Variants in CYFIP2 observed in about 807,000 individuals in gnomAD.
CYFIP2 encodes the protein cytoplasmic FMR1-interacting protein 2.
CYFIP2 carries 29 observed loss-of-function variants against 158.7 expected under a neutral mutation model. That is an observed-to-expected ratio of 0.18 (90% CI 0.14 to 0.25). The LOEUF (loss-of-function observed/expected upper bound fraction) is 0.25, where lower values mean the gene tolerates loss of function less well. CYFIP2 is among the 10% of genes least tolerant of loss of function. CYFIP2 has a pLI of 1.00. For missense variants in CYFIP2, 852 were observed against 1,639.5 expected, an observed-to-expected ratio of 0.52 and a Z score of 8.29; for synonymous variants, 585 against 617.6, an observed-to-expected ratio of 0.95 and a Z score of 0.78.
At chr5:157,302,212 A>T (rs1351641865) in intron 6 of CYFIP2, among the ~76,000 whole-genome samples, 2 of 152,096 alleles carry the variant, frequency 1.3e-5, no homozygotes, top group African/African-American at 4.8e-5. Context: ...CACCATCCCC[A>T]TGTTAGGCTG....
intron 28 of CYFIP2, among the ~76,000 whole-genome samples, chr5:157,387,403 G>A (rs1766806310): frequency 6.6e-6 from 1 of 152,210 alleles, no homozygotes; most frequent in African/African-American, 2.4e-5. Flanking sequence ...AACCTCAGTT[G>A]CCAGTTTTTC....
intron 23 of CYFIP2, among the ~76,000 whole-genome samples, chr5:157,352,659 G>C (rs1763146852): frequency 6.6e-6 from 1 of 152,184 alleles, no homozygotes; most frequent in Non-Finnish European, 1.5e-5. Context: ...GCTAAATGGG[G>C]ATACTTGCAC....
At chr5:157,316,629 G>A (rs1760169625) in intron 13 of CYFIP2, among the ~76,000 whole-genome samples, 1 of 152,142 alleles carries the variant, frequency 6.6e-6, no homozygotes, top group Non-Finnish European at 1.5e-5. Flanking sequence ...TACAAGAGAC[G>A]AATCTAGAAA....
At chr5:157,283,654 C>T (rs537001310) in intron 1 of CYFIP2, among the ~76,000 whole-genome samples, 4 of 152,098 alleles carry the variant, frequency 2.6e-5, no homozygotes, top group Non-Finnish European at 4.4e-5. Context: ...TGTCATGGTA[C>T]GTGATGGGAA....
intron 26 of CYFIP2, chr5:157,362,888 T>C (rs1204969950): frequency 6.6e-6 from 1 of 152,184 alleles, no homozygotes; most frequent in Non-Finnish European, 1.5e-5. Context: ...GGGGAGAACA[T>C]GCACTGTTAC....
chr5:157,334,893 G>A (rs1213140289), intron 21 of CYFIP2, among the ~76,000 whole-genome samples: 1 of 152,162 alleles, frequency 6.6e-6, no homozygotes, highest in Admixed American at 6.6e-5. Flanking sequence ...AGCTAATAGT[G>A]TTGTACCAAA....
rs374240418 is a variant in CYFIP2 at position 157,268,686 on chromosome 5, G to A, written c.-24+2491G>A. Among the ~76,000 whole-genome samples the A allele has an allele frequency of 3.6e-3, 555 of 152,316 alleles. 4 individuals are homozygous for A. The highest frequency in any genetic ancestry group is 6.3e-3 in the Non-Finnish European group (429 of 68,032). On this transcript the variant is annotated intron_variant, in intron 1 of 30. Transcript: ENST00000620254. Reference sequence around the variant, plus strand: ...CTTTTGTAGCCTCCATGTGGCCACCGTAACAATGAGTCTATTTCTTTACTG... The same window carrying A: ...CTTTTGTAGCCTCCATGTGGCCACCATAACAATGAGTCTATTTCTTTACTG...
chr5:157,382,619 T>C lies in CYFIP2; in HGVS notation c.3069T>C (p.His1023=), dbSNP rs2113512517. 1 of 1,614,040 alleles carries C rather than the reference T, an allele frequency of 6.2e-7. No individual in the cohort carries two copies. The highest frequency in any genetic ancestry group is 8.5e-7 in the Non-Finnish European group (1 of 1,179,896). The change falls in exon 27 of 31, where the codon CAT becomes CAC. Residue 1023 remains histidine, a synonymous_variant. Transcript: ENST00000620254. ...LSQEEVCDLL[H]AAPFQNILPR... ...AGGAGGAGGTCTGCGATTTGCTCCA[T>C]GCCGCACCCTTCCAAAACATCTTGC...
rs933396823 is a variant in CYFIP2, at chr5:157,298,845, C to T, written c.388-1870C>T. 4.6e-5 allele frequency among the ~76,000 whole-genome samples: 7 copies of T among 152,310 alleles called. No homozygotes were observed. In the East Asian group the frequency reaches 1.3e-3, roughly 29 times the overall value. ...TGGTCTTTTGTGTCCATCTGGCTCT[C>T]TTCAGTTAGCATTATGTTTTTAAAG... On this transcript the variant is annotated intron_variant, in intron 5 of 30. Coordinates refer to ENST00000620254, the MANE Select transcript of CYFIP2 (RefSeq NM_001037333.3).
At position 157,302,897 on chromosome 5, in the gene CYFIP2, G is replaced by T; in HGVS notation, c.666+7G>T. On this transcript the variant is annotated splice_region_variant and intron_variant, in intron 7 of 30. Transcript: ENST00000620254. ...CCACAACAGGATCACCCAGGTGAGG[G>T]CAGACTCCTTGTTAGGCCTGGCCTG... is the stretch of plus-strand genomic sequence containing the variant. 1 of 1,566,512 alleles carries T rather than the reference G, an allele frequency of 6.4e-7. No homozygotes were observed. Among genetic ancestry groups the T allele is most frequent in the Non-Finnish European group, 8.7e-7 (1 of 1,154,988 alleles).
chr5:157,371,612 C>T (rs1765004035), intron 26 of CYFIP2, among the ~76,000 whole-genome samples: 1 of 152,146 alleles, frequency 6.6e-6, no homozygotes, highest in Non-Finnish European at 1.5e-5. Context: ...ATCAAGTCTC[C>T]AGTTAGCCTC....
At chr5:157,293,050 GTA>G (rs1561697422) in intron 3 of CYFIP2, among the ~76,000 whole-genome samples, 4 of 151,794 alleles carry the variant, frequency 2.6e-5, no homozygotes, top group African/African-American at 9.7e-5. Flanking sequence ...ATGTATGTAT[GTA>G]TGTATGTATG....
intron 23 of CYFIP2, chr5:157,345,323 A>T (rs1477506229): frequency 3.3e-5 from 5 of 152,668 alleles, no homozygotes; most frequent in African/African-American, 9.6e-5. Flanking sequence ...GTACAGATGG[A>T]ATTACCTCAG....
At chr5:157,288,213 A>G (rs954944719) in intron 3 of CYFIP2, among the ~76,000 whole-genome samples, 8 of 152,320 alleles carry the variant, frequency 5.3e-5, no homozygotes, top group Admixed American at 5.2e-4. Context: ...AAGCCATGAC[A>G]TGGGTGGCAG....
intron 26 of CYFIP2, chr5:157,363,855 A>T (rs1407889312): frequency 3.9e-5 from 6 of 152,250 alleles, no homozygotes; most frequent in African/African-American, 4.8e-5. Context: ...CTTCTGAATC[A>T]GAGCCAGAAA....
At chr5:157,303,937 C>G (rs1447040484) in intron 7 of CYFIP2, among the ~76,000 whole-genome samples, 1 of 151,846 alleles carries the variant, frequency 6.6e-6, no homozygotes, top group African/African-American at 2.4e-5. Context: ...AAGCCTATTG[C>G]TGTAAAACTG....
chr5:157,315,204 C>G (rs1473189628), intron 13 of CYFIP2, 110 bp downstream of exon 13: 2 of 1,403,266 alleles, frequency 1.4e-6, no homozygotes, highest in South Asian at 3.1e-5. Context: ...TTTTCGTGCT[C>G]TTCCCTGTCC....
chr5:157,377,439 A>G (rs1765593682), intron 26 of CYFIP2, among the ~76,000 whole-genome samples: 1 of 152,094 alleles, frequency 6.6e-6, no homozygotes, highest in African/African-American at 2.4e-5. Flanking sequence ...CCTTCTTCAG[A>G]AAGTCTTCCC....
chr5:157,360,137 G>A (rs1763707078), intron 24 of CYFIP2, 145 bp from the exon 25 acceptor site: 2 of 576,382 alleles, frequency 3.5e-6, no homozygotes, highest in Non-Finnish European at 3.0e-6. Context: ...TCTTATAAAG[G>A]CTTATTTTCC....
Sources: gnomAD v4.1 joint callset for allele counts (sites outside exome capture counted in the v4.1 genomes callset) on GRCh38, gnomAD v4.1.1 for gene constraint, MANE v1.5 for transcripts, NCBI Gene and HGNC (gene_info 2026-07-23, HGNC 2026-07-21) for gene names.